The following SCN3A variants were observed in gnomAD, a reference collection of about 807,000 sequenced individuals.
SCN3A encodes the protein sodium channel protein type 3 subunit alpha.
In SCN3A, 60 loss-of-function variants were observed where a neutral mutation model predicts 187.6. That is an observed-to-expected ratio of 0.32 (90% CI 0.26 to 0.40). SCN3A has a LOEUF of 0.40. Ranked by LOEUF, SCN3A falls within the 10% of genes least tolerant of loss-of-function variation. SCN3A has a pLI of 1.00. For missense variants in SCN3A, 1,601 were observed against 2,428.2 expected, an observed-to-expected ratio of 0.66 and a Z score of 7.16; for synonymous variants, 788 against 829.2, an observed-to-expected ratio of 0.95 and a Z score of 0.85.
At chr2:165,189,841 C>G (rs1691479873) in intron 1 of SCN3A, among the ~76,000 whole-genome samples, 1 of 152,110 alleles carries the variant, frequency 6.6e-6, no homozygotes, top group Admixed American at 6.6e-5. Flanking sequence ...GCCATGGAAG[C>G]AACTTTATTT....
At chr2:165,166,432 G>A (rs1239490985) in intron 5 of SCN3A, among the ~76,000 whole-genome samples, 1 of 110,316 alleles carries the variant, frequency 9.1e-6, no homozygotes, top group African/African-American at 4.2e-5. Context: ...TGTAACTTTG[G>A]TGTTTTAAAA....
chr2:165,154,057 C>T (rs1160071620), intron 11 of SCN3A, among the ~76,000 whole-genome samples: 1 of 125,776 alleles, frequency 8.0e-6, no homozygotes, highest in Non-Finnish European at 1.6e-5. Flanking sequence ...TATAAAGTCT[C>T]TTGTCAACCT....
In SCN3A at chr2:165,103,025, A is replaced by C. The variant is rs553893007; in HGVS notation, c.3844-2601T>G. 8.5e-5 allele frequency among the ~76,000 whole-genome samples: 13 copies of C among 152,312 alleles called. No individual in the cohort carries two copies. The South Asian group carries it at 2.5e-3, about 29-fold the overall frequency. ...CACAATCTGATCAATCACATACATA[A>C]ATATTTTTTTCTGGTTTGCATGACT... On this transcript the variant is annotated intron_variant, in intron 21 of 27. Transcript: ENST00000283254.
At chr2:165,189,248 C>A (rs1191137097) in intron 1 of SCN3A, among the ~76,000 whole-genome samples, 1 of 152,162 alleles carries the variant, frequency 6.6e-6, no homozygotes, top group Admixed American at 6.5e-5. Context: ...ACATGCTCAA[C>A]AGACATCTTA....
rs1060500003 is a variant in SCN3A at position 165,097,502 on chromosome 2, C to T, written c.3989G>A (p.Gly1330Glu). The change falls in exon 23 of 28, where the codon GGA (glycine) becomes GAA (glutamate). Residue 1330 changes from glycine to glutamate, a missense_variant. Around this residue, in one of 11 missense-constraint regions of SCN3A, gnomAD observed 320 missense variants for 623.2 expected, o/e 0.51. Transcript: ENST00000283254. ...GMRVVVNALV[G>E]AIPSIMNVLL... is the part of the protein sequence containing the mutation. ...CACATTCATGATAGAGGGAATTGCTCCAACAAGAGCATTCACAACCACCTA... is the reference window on the plus strand; with the variant it reads ...CACATTCATGATAGAGGGAATTGCTTCAACAAGAGCATTCACAACCACCTA... The T allele has an allele frequency of 1.2e-6, 2 of 1,613,774 alleles. No individual in the cohort carries two copies. The highest frequency in any genetic ancestry group is 1.7e-6 in the Non-Finnish European group (2 of 1,179,928).
At chr2:165,119,217 C>T (rs898434501) in intron 18 of SCN3A, among the ~76,000 whole-genome samples, 2 of 152,186 alleles carry the variant, frequency 1.3e-5, no homozygotes, top group Non-Finnish European at 2.9e-5. Context: ...ATTTAATCTT[C>T]TTAGTCAGAA....
At chr2:165,096,329 T>C (rs889916521) in intron 24 of SCN3A, 138 bp downstream of exon 24, 2 of 671,750 alleles carry the variant, frequency 3.0e-6, no homozygotes, top group Non-Finnish European at 5.3e-6. Context: ...ATCATCTATA[T>C]TGAAGCAGAC....
intron 12 of SCN3A, among the ~76,000 whole-genome samples, chr2:165,144,355 T>G (rs890184916): frequency 1.3e-5 from 2 of 152,198 alleles, no homozygotes; most frequent in Admixed American, 1.3e-4. Flanking sequence ...TCTGTCTATT[T>G]ACAAATATAA....
intron 22 of SCN3A, 114 bp from the exon 23 acceptor site, chr2:165,097,638 G>A (rs938882168): frequency 6.9e-6 from 9 of 1,312,252 alleles, no homozygotes; most frequent in Non-Finnish European, 9.6e-6. Flanking sequence ...TAAAAATCTA[G>A]GTGGACAAGT....
At chr2:165,104,248 T>G (rs1468937637) in intron 21 of SCN3A, among the ~76,000 whole-genome samples, 1 of 151,924 alleles carries the variant, frequency 6.6e-6, no homozygotes, top group African/African-American at 2.4e-5. Context: ...CACCAGATAT[T>G]GATTATAAAT....
rs1684906883 is a variant in SCN3A at position 165,087,862 on chromosome 2, A to G, written c.*2288T>C. 6.6e-6 allele frequency: 1 copy of G among 152,172 alleles called. No homozygotes were observed. Among genetic ancestry groups the G allele is most frequent in the Admixed American group, 6.5e-5 (1 of 15,274 alleles). The allele number at this position is 152,172 out of a possible 1,614,324, so 9.4% of individuals were successfully genotyped here. ...TAGCCAAGGGAGTTAATTGAAATTG[A>G]AAGCTATTGTAGGTGGTTACTACTA... On this transcript the variant is annotated 3_prime_UTR_variant, in exon 28 of 28. Coordinates refer to ENST00000283254, the MANE Select transcript of SCN3A (RefSeq NM_006922.4).
At chr2:165,191,180 GC>G (rs1375395963) in intron 1 of SCN3A, among the ~76,000 whole-genome samples, 1 of 147,234 alleles carries the variant, frequency 6.8e-6, no homozygotes, top group Non-Finnish European at 1.5e-5. Flanking sequence ...TTCATTTGAT[GC>G]CCTATGGTGT....
rs1559210017 is a variant in SCN3A at position 165,129,927 on chromosome 2, AC to A, written c.2922+12del. ...CTTGTTCTAATTTATGAGCATTTGTACTACATACATACCACAAGGTTTCCAA... is the reference window on the plus strand; with the variant it reads ...CTTGTTCTAATTTATGAGCATTTGTATACATACATACCACAAGGTTTCCAA... On this transcript the variant is annotated intron_variant, in intron 17 of 27. Coordinates refer to ENST00000283254, the MANE Select transcript of SCN3A (RefSeq NM_006922.4). The A allele has an allele frequency of 6.2e-7, 1 of 1,613,518 alleles. No homozygotes were observed. The highest frequency in any genetic ancestry group is 1.7e-5 in the Admixed American group (1 of 60,008).
chr2:165,182,532 T>A (rs899691403), intron 2 of SCN3A, among the ~76,000 whole-genome samples: 1 of 151,774 alleles, frequency 6.6e-6, no homozygotes. Flanking sequence ...GCCAGAGGAG[T>A]GTATTTAATG....
chr2:165,115,236 A>C (rs926132763), intron 19 of SCN3A, among the ~76,000 whole-genome samples: 15 of 145,600 alleles, frequency 1.0e-4, no homozygotes, highest in South Asian at 2.2e-4. Flanking sequence ...TTCTTTCTTT[A>C]TTTTTTTTTT....
At chr2:165,157,453 G>A (rs1255600584) in intron 9 of SCN3A, among the ~76,000 whole-genome samples, 1 of 152,168 alleles carries the variant, frequency 6.6e-6, no homozygotes, top group Admixed American at 6.5e-5. Context: ...TTGGGTGGAA[G>A]ACTACAGAGG....
Position 165,088,370 on chromosome 2 carries a change from T to C in SCN3A, c.*1780A>G, listed in dbSNP as rs1684929822. 6.6e-6 allele frequency: 1 copy of C among 152,504 alleles called. No homozygotes were observed. 9.4% of individuals were successfully genotyped at this position (152,504 alleles called of 1,614,324 possible). A position where few individuals can be genotyped will look rare whatever the true frequency, so the allele number is the denominator to read the frequency against. Reference sequence around the variant, plus strand: ...ATGGCTAAAAAGAACAAAGTCCATGTTATATTTGTAATAGCTTTAGTGCAG... The same window carrying C: ...ATGGCTAAAAAGAACAAAGTCCATGCTATATTTGTAATAGCTTTAGTGCAG... On this transcript the variant is annotated 3_prime_UTR_variant, in exon 28 of 28. Transcript: ENST00000283254.
intron 1 of SCN3A, among the ~76,000 whole-genome samples, chr2:165,202,579 G>T (rs1395317146): frequency 6.6e-6 from 1 of 151,948 alleles, no homozygotes; most frequent in African/African-American, 2.4e-5. Context: ...AAATGTTTTT[G>T]GGGGGACTAT....
At chr2:165,120,830 G>A (rs1686635850) in intron 18 of SCN3A, among the ~76,000 whole-genome samples, 2 of 147,822 alleles carry the variant, frequency 1.4e-5, no homozygotes, top group Non-Finnish European at 1.5e-5. Context: ...ATCACTTATC[G>A]AAAGATTAAA....
Sources: allele counts gnomAD v4.1 joint callset (sites outside exome capture counted in the v4.1 genomes callset), GRCh38; gene constraint gnomAD v4.1.1; regional missense constraint gnomAD v4.1.1; transcripts MANE v1.5; gene names NCBI Gene and HGNC (gene_info 2026-07-23, HGNC 2026-07-21).